Variants in SMAP2 observed in about 807,000 individuals in gnomAD.
SMAP2 encodes the protein small ArfGAP2.
In SMAP2, 25 loss-of-function variants were observed where a neutral mutation model predicts 56.4. The ratio of observed to expected loss-of-function variants is 0.44; its 90% CI spans 0.32 to 0.62. SMAP2 has a LOEUF of 0.62. Among genes scored for constraint, SMAP2 ranks in the 20% least tolerant of loss-of-function variants. SMAP2 has a pLI of 0.04. For missense variants in SMAP2, 388 were observed against 545.6 expected (o/e 0.71, Z 2.88); for synonymous variants, 157 against 181.7 (o/e 0.86, Z 1.09).
At chr1:40,394,770 T>C (rs1206175613) in intron 1 of SMAP2, among the ~76,000 whole-genome samples, 2 of 152,196 alleles carry the variant, frequency 1.3e-5, no homozygotes, top group Non-Finnish European at 2.9e-5. Flanking sequence ...ATGAAAATTG[T>C]ATATGTTTAC....
chr1:40,408,581 GA>G lies in SMAP2; in HGVS notation c.238-70del, dbSNP rs1644906866. On this transcript the variant is annotated intron_variant, in intron 2 of 9. Transcript: ENST00000372718. This position sits in a 1 kb window ranked among gnomAD's most constrained non-coding sequence, Gnocchi z 4.3. ...TTGGTTCTTCAATTGTACAGTAGTGGAATTGGGTGAGAAGTTTTTCAGTTCT... is the reference window on the plus strand; with the variant it reads ...TTGGTTCTTCAATTGTACAGTAGTGGATTGGGTGAGAAGTTTTTCAGTTCT... The G allele has an allele frequency of 9.2e-6, 12 of 1,301,156 alleles. No homozygotes were observed. The highest frequency in any genetic ancestry group is 1.2e-5 in the Non-Finnish European group (11 of 899,710). The allele number at this position is 1,301,156 out of a possible 1,614,324, so 80.6% of individuals were successfully genotyped here.
At chr1:40,419,350 G>A (rs913595404) in intron 9 of SMAP2, among the ~76,000 whole-genome samples, 12 of 149,646 alleles carry the variant, frequency 8.0e-5, no homozygotes, top group Non-Finnish European at 1.3e-4. Context: ...GCACAATCTC[G>A]GCTCACTGCA....
chr1:40,397,695 C>G (rs1644785945), intron 1 of SMAP2, among the ~76,000 whole-genome samples: 1 of 152,024 alleles, frequency 6.6e-6, no homozygotes, highest in South Asian at 2.1e-4. Flanking sequence ...CCTTCCAGAG[C>G]TCATAGTCTA....
At chr1:40,420,952 G>A (rs993804140) in intron 9 of SMAP2, among the ~76,000 whole-genome samples, 32 of 152,054 alleles carry the variant, frequency 2.1e-4, no homozygotes, top group South Asian at 6.2e-4. Context: ...ATTCTTGAGC[G>A]TGTTCATTGT....
chr1:40,347,243 T>TG (rs1390862362), intron 1 of SMAP2, among the ~76,000 whole-genome samples: 1 of 33,880 alleles, frequency 3.0e-5, no homozygotes, highest in African/African-American at 1.7e-4. Context: ...TGTGTGTGTT[T>TG]TGTTTTTGTT....
At chr1:40,411,677 G>A (rs963795448) in intron 4 of SMAP2, among the ~76,000 whole-genome samples, 4 of 152,124 alleles carry the variant, frequency 2.6e-5, no homozygotes, top group African/African-American at 7.2e-5. Context: ...AAGTGAAGAC[G>A]TTTAATATCA....
chr1:40,370,973 G>A (rs1045874362), upstream of SMAP2, among the ~76,000 whole-genome samples: 4 of 152,044 alleles, frequency 2.6e-5, no homozygotes, highest in African/African-American at 9.7e-5. Flanking sequence ...AGGAGATTGA[G>A]ACCATCCTGG....
chr1:40,366,218 A>G (rs1193464093), intron 2 of SMAP2, among the ~76,000 whole-genome samples: 4 of 151,656 alleles, frequency 2.6e-5, no homozygotes, highest in Non-Finnish European at 5.9e-5. Flanking sequence ...GACCAAATCT[A>G]CATCTGATTG....
intron 3 of SMAP2, among the ~76,000 whole-genome samples, chr1:40,409,396 C>G (rs1402280220): frequency 6.6e-6 from 1 of 152,160 alleles, no homozygotes; most frequent in Non-Finnish European, 1.5e-5. Flanking sequence ...TTTTAAGGGG[C>G]ACTTACGTGC....
chr1:40,381,541 TTG>T (rs150281874), intron 1 of SMAP2, among the ~76,000 whole-genome samples: 2 of 151,284 alleles, frequency 1.3e-5, no homozygotes, highest in South Asian at 2.1e-4. Context: ...GTGCACTGTT[TTG>T]TGTGTGTGTG....
chr1:40,357,510 A>G (rs1156582000), intron 1 of SMAP2, among the ~76,000 whole-genome samples: 2 of 152,190 alleles, frequency 1.3e-5, no homozygotes, highest in East Asian at 1.9e-4. Flanking sequence ...GCCCTGTCCA[A>G]TGTCCCAGAG....
chr1:40,406,080 A>G (rs959526266), intron 1 of SMAP2, among the ~76,000 whole-genome samples: 2 of 152,202 alleles, frequency 1.3e-5, no homozygotes, highest in African/African-American at 2.4e-5. Flanking sequence ...CAAGCATGCC[A>G]TATCTATCTT....
intron 1 of SMAP2, among the ~76,000 whole-genome samples, chr1:40,352,663 A>G (rs2038154): frequency 0.41 from 61,737 of 151,330 alleles, 13,036 homozygotes; most frequent in East Asian, 0.56. Context: ...CTTAGCTAGG[A>G]CTACAGCAGC....
At chr1:40,403,580 A>G in intron 1 of SMAP2, 7 of 815,706 alleles carry the variant, frequency 8.6e-6, no homozygotes, top group Non-Finnish European at 1.0e-5. Flanking sequence ...TGAATGAGTT[A>G]ACTGGCCCTT....
chr1:40,361,531 T>A (rs1443707012), intron 1 of SMAP2, among the ~76,000 whole-genome samples: 2 of 151,800 alleles, frequency 1.3e-5, no homozygotes, highest in Non-Finnish European at 2.9e-5. Flanking sequence ...GCCCTTGAGG[T>A]CCCCAATTCC....
At chr1:40,350,363 G>A (rs1045979979) in intron 1 of SMAP2, among the ~76,000 whole-genome samples, 4 of 152,184 alleles carry the variant, frequency 2.6e-5, no homozygotes, top group Non-Finnish European at 5.9e-5. Context: ...TTGGGGATTA[G>A]CAAAGCGTGC....
chr1:40,374,366 C>A lies in SMAP2; in HGVS notation c.103+143C>A. The A allele has an allele frequency of 1.4e-6, 1 of 740,482 alleles. No individual in the cohort carries two copies. Among genetic ancestry groups the A allele is most frequent in the East Asian group, 2.7e-5 (1 of 37,172 alleles). The allele number at this position is 740,482 out of a possible 1,614,324, so 45.9% of individuals were successfully genotyped here. A position where few individuals can be genotyped will look rare whatever the true frequency, so the allele number is the denominator to read the frequency against. The stretch of plus-strand genomic sequence containing the variant: ...GCGTGCTGCGCTTGCAGTGAGCCTA[C>A]TGGGCTTTCTGCAGCTGGGGGATTG... On this transcript the variant is annotated intron_variant, in intron 1 of 9. Transcript: ENST00000372718. The surrounding 1 kb of genome is among the most constrained non-coding windows in gnomAD (Gnocchi z 5.9).
At chr1:40,399,082 G>C (rs1644801812) in intron 1 of SMAP2, among the ~76,000 whole-genome samples, 1 of 152,164 alleles carries the variant, frequency 6.6e-6, no homozygotes, top group Non-Finnish European at 1.5e-5. Context: ...TTGAGGCCAG[G>C]AGTTCAAGAC....
At chr1:40,357,434 C>CACAGAGCGAGATTCTGTCTCAA (rs1553188140) in intron 1 of SMAP2, among the ~76,000 whole-genome samples, 1 of 150,648 alleles carries the variant, frequency 6.6e-6, no homozygotes, top group African/African-American at 2.4e-5. Context: ...CAGCCTGGGC[C>CACAGAGCGAGATTCTGTCTCAA]ACAGAGCGAG....
Sources: allele counts gnomAD v4.1 joint callset (sites outside exome capture counted in the v4.1 genomes callset), GRCh38; gene constraint gnomAD v4.1.1; non-coding constraint Gnocchi (gnomAD v3.1); transcripts MANE v1.5; gene names NCBI Gene and HGNC (gene_info 2026-07-23, HGNC 2026-07-21).